The following USP32 variants were observed in gnomAD, a reference collection of about 807,000 sequenced individuals.
The protein encoded by USP32 is ubiquitin carboxyl-terminal hydrolase 32.
USP32 carries 59 observed loss-of-function variants against 204.8 expected under a neutral mutation model. That is an observed-to-expected ratio of 0.29 (90% CI 0.23 to 0.36). The LOEUF (loss-of-function observed/expected upper bound fraction) is 0.36. Among genes scored for constraint, USP32 ranks in the 10% least tolerant of loss-of-function variants. USP32 has a pLI of 1.00. For missense variants in USP32, 1,160 were observed against 1,946.4 expected, an observed-to-expected ratio of 0.60 and a Z score of 7.60; for synonymous variants, 517 against 678.4, an observed-to-expected ratio of 0.76 and a Z score of 3.70.
chr17:60,368,540 G>T (rs1268579754), intron 1 of USP32, among the ~76,000 whole-genome samples: 1 of 151,820 alleles, frequency 6.6e-6, no homozygotes, highest in East Asian at 1.9e-4. Context: ...CGGGGGAAAC[G>T]AGGGGAAAAT....
chr17:60,180,151 G>A (rs966289249), intron 33 of USP32, among the ~76,000 whole-genome samples: 18 of 151,708 alleles, frequency 1.2e-4, no homozygotes, highest in East Asian at 3.9e-4. Context: ...TCAGCCTCCC[G>A]AGTAGCTGGG....
intron 1 of USP32, among the ~76,000 whole-genome samples, chr17:60,397,970 C>T (rs771008665): frequency 6.6e-6 from 1 of 152,044 alleles, no homozygotes; most frequent in African/African-American, 2.4e-5. Context: ...TAAGATAAAA[C>T]TTTTTCACAT....
At chr17:60,301,397 G>C (rs989939930) in intron 3 of USP32, 2 of 396,134 alleles carry the variant, frequency 5.0e-6, no homozygotes, top group Non-Finnish European at 8.9e-6. Context: ...CACTCTAGTA[G>C]GTGTGAAGTA....
intron 1 of USP32, among the ~76,000 whole-genome samples, chr17:60,372,339 G>T (rs1286479291): frequency 2.6e-5 from 4 of 152,130 alleles, no homozygotes; most frequent in African/African-American, 7.2e-5. Flanking sequence ...TTTCATCATT[G>T]TGCAGACATC....
chr17:60,348,295 A>G (rs969352771), intron 1 of USP32, among the ~76,000 whole-genome samples: 2 of 152,198 alleles, frequency 1.3e-5, no homozygotes, highest in African/African-American at 4.8e-5. Context: ...AGGAAGAAGC[A>G]TAATGAGACA....
intron 2 of USP32, among the ~76,000 whole-genome samples, chr17:60,329,164 G>A (rs1355212690): frequency 1.3e-5 from 2 of 151,962 alleles, no homozygotes; most frequent in Admixed American, 6.6e-5. Flanking sequence ...AAAGGAAACT[G>A]TTTATTCGTA....
At chr17:60,277,876 C>A in intron 5 of USP32, among the ~76,000 whole-genome samples, 1 of 146,406 alleles carries the variant, frequency 6.8e-6, no homozygotes, top group African/African-American at 2.6e-5. Flanking sequence ...CTGAATTCTA[C>A]AAAAGAATAT....
chr17:60,182,066 C>T (rs1378104928), intron 31 of USP32, among the ~76,000 whole-genome samples: 3 of 152,164 alleles, frequency 2.0e-5, no homozygotes, highest in African/African-American at 7.2e-5. Flanking sequence ...TTTCCAAATA[C>T]ATATTCCTCT....
intron 28 of USP32, among the ~76,000 whole-genome samples, chr17:60,192,196 CAGG>C (rs1427667063): frequency 3.3e-5 from 5 of 151,922 alleles, no homozygotes; most frequent in African/African-American, 9.7e-5. Context: ...GAGGCTGAGG[CAGG>C]AGAATTGCTT....
At chr17:60,228,836 GT>G (rs72054770) in intron 12 of USP32, among the ~76,000 whole-genome samples, 43 of 141,564 alleles carry the variant, frequency 3.0e-4, no homozygotes, top group East Asian at 8.1e-4. Flanking sequence ...TTTTGTTTTT[GT>G]TTTTTTTTTT....
chr17:60,411,219 G>A (rs1302384082), intron 1 of USP32, among the ~76,000 whole-genome samples: 1 of 151,988 alleles, frequency 6.6e-6, no homozygotes, highest in Non-Finnish European at 1.5e-5. Context: ...CAGCTATTTG[G>A]GGGCTGAGGC....
intron 16 of USP32, among the ~76,000 whole-genome samples, chr17:60,218,179 T>C (rs1464951440): frequency 1.3e-5 from 2 of 152,062 alleles, no homozygotes; most frequent in African/African-American, 2.4e-5. Flanking sequence ...GGTCAGGAGA[T>C]AGAGACCATC....
Position 60,262,673 on chromosome 17 carries a change from C to T in USP32, c.990+2739G>A, listed in dbSNP as rs114667540. Among the ~76,000 whole-genome samples, 1,440 of 152,206 alleles carry T rather than the reference C, an allele frequency of 9.5e-3. 31 individuals are homozygous for T. The highest frequency in any genetic ancestry group is 0.033 in the African/African-American group (1,384 of 41,506). ...AAGATACGTCTCCAATCCAGGTCTACAGCCTTCAATATATGAATCTGTTAT... is the reference window on the plus strand; with the variant it reads ...AAGATACGTCTCCAATCCAGGTCTATAGCCTTCAATATATGAATCTGTTAT... On this transcript the variant is annotated intron_variant, in intron 9 of 33. Coordinates refer to ENST00000300896, the MANE Select transcript of USP32 (RefSeq NM_032582.4).
At chr17:60,293,339 T>C (rs2087335229) in intron 4 of USP32, among the ~76,000 whole-genome samples, 1 of 152,226 alleles carries the variant, frequency 6.6e-6, no homozygotes. Flanking sequence ...AGAGTATTAA[T>C]GTTTTGGACA....
At chr17:60,420,098 T>A (rs1330670208) in intron 1 of USP32, among the ~76,000 whole-genome samples, 4 of 149,682 alleles carry the variant, frequency 2.7e-5, no homozygotes, top group Non-Finnish European at 6.0e-5. Flanking sequence ...ATTTTATTTG[T>A]TTTGTTTTAT....
intron 26 of USP32, among the ~76,000 whole-genome samples, chr17:60,199,146 GAA>G (rs35824527): frequency 1.3e-4 from 17 of 135,584 alleles, no homozygotes; most frequent in African/African-American, 2.3e-4. Flanking sequence ...GATGCCAGTG[GAA>G]AAAAAAAAAA....
chr17:60,288,332 T>A (rs2087175710), intron 5 of USP32, among the ~76,000 whole-genome samples, 191 bp downstream of exon 5: 1 of 151,836 alleles, frequency 6.6e-6, no homozygotes. Flanking sequence ...CCCAGCTGCT[T>A]GGGAGGATGA....
intron 5 of USP32, among the ~76,000 whole-genome samples, chr17:60,274,078 A>G (rs903035672): frequency 6.6e-6 from 1 of 152,082 alleles, no homozygotes; most frequent in African/African-American, 2.4e-5. Flanking sequence ...GGAATTAAAG[A>G]AAAACATGCC....
intron 2 of USP32, among the ~76,000 whole-genome samples, chr17:60,318,165 A>G (rs1413235329): frequency 1.3e-5 from 2 of 152,220 alleles, no homozygotes; most frequent in Non-Finnish European, 2.9e-5. Context: ...AATCAAATTC[A>G]TCTTAGGCTG....
Sources: gnomAD v4.1 joint callset for allele counts (sites outside exome capture counted in the v4.1 genomes callset) on GRCh38, gnomAD v4.1.1 for gene constraint, MANE v1.5 for transcripts, NCBI Gene and HGNC (gene_info 2026-07-23, HGNC 2026-07-21) for gene names.